The following UBAP1 variants were observed in gnomAD, a reference collection of about 807,000 sequenced individuals.
UBAP1 encodes ubiquitin associated protein 1.
In UBAP1, 5 loss-of-function variants were observed where a neutral mutation model predicts 39.0. That is an observed-to-expected ratio of 0.13 (90% CI 0.07 to 0.27). The LOEUF (loss-of-function observed/expected upper bound fraction) is 0.27, where lower values mean the gene tolerates loss of function less well. Ranked by LOEUF, UBAP1 falls within the 10% of genes least tolerant of loss-of-function variation. UBAP1 has a pLI of 1.00. For missense variants in UBAP1, 490 were observed against 608.1 expected (o/e 0.81, Z 2.04); for synonymous variants, 211 against 225.1 (o/e 0.94, Z 0.56).
At chr9:34,238,717 G>A (rs1833821713) in intron 3 of UBAP1, among the ~76,000 whole-genome samples, 1 of 152,076 alleles carries the variant, frequency 6.6e-6, no homozygotes, top group Non-Finnish European at 1.5e-5. Context: ...GTTTTTCCAT[G>A]TTTTATTTGT....
intron 3 of UBAP1, among the ~76,000 whole-genome samples, chr9:34,240,871 G>A (rs1833920159): frequency 1.4e-5 from 1 of 72,968 alleles, no homozygotes; most frequent in Admixed American, 1.5e-4. Context: ...CACCTTACAG[G>A]TATTTCTTAC....
intron 1 of UBAP1, among the ~76,000 whole-genome samples, chr9:34,183,757 T>C (rs1024633347): frequency 2.0e-5 from 3 of 151,574 alleles, no homozygotes; most frequent in African/African-American, 7.3e-5. Flanking sequence ...AGAATTTCTT[T>C]TTTTTTGTTT....
intron 3 of UBAP1, among the ~76,000 whole-genome samples, chr9:34,236,495 T>TA (rs1833707283): frequency 6.6e-6 from 1 of 152,200 alleles, no homozygotes; most frequent in Non-Finnish European, 1.5e-5. Context: ...CTCACATTGT[T>TA]ATACACACAT....
intron 6 of UBAP1, 84 bp downstream of exon 6, chr9:34,250,843 C>T: frequency 8.4e-7 from 1 of 1,191,238 alleles, no homozygotes; most frequent in Non-Finnish European, 1.2e-6. Flanking sequence ...GGCCCACACA[C>T]AACCTTTTTG....
At chr9:34,224,258 G>A (rs1032639460) in intron 2 of UBAP1, 15 of 476,536 alleles carry the variant, frequency 3.1e-5, no homozygotes, top group Non-Finnish European at 4.6e-5. Context: ...CAGGGGTAGC[G>A]CATAGTGGGA....
chr9:34,250,918 G>A lies in UBAP1; in HGVS notation c.1368+159G>A, dbSNP rs2297392. The A allele has an allele frequency of 2.1e-4, 139 of 677,666 alleles. No individual in the cohort carries two copies. In the East Asian group the frequency reaches 3.4e-3, roughly 17 times the overall value. The allele number at this position is 677,666 out of a possible 1,614,324, so 42.0% of individuals were successfully genotyped here. A position where few individuals can be genotyped will look rare whatever the true frequency, so the allele number is the denominator to read the frequency against. On this transcript the variant is annotated intron_variant, in intron 6 of 6. Coordinates refer to ENST00000297661, the MANE Select transcript of UBAP1 (RefSeq NM_016525.5). ...AATCTCCCAAGTATTCAGACAGGCC[G>A]AGGCCTGCGTTTGGCTTGGTGGTTG...
intron 1 of UBAP1, among the ~76,000 whole-genome samples, chr9:34,195,661 G>A (rs574150782): frequency 1.3e-5 from 2 of 151,120 alleles, no homozygotes; most frequent in South Asian, 4.2e-4. Flanking sequence ...GCAATGGCGC[G>A]ATCTCGGCTC....
intron 1 of UBAP1, among the ~76,000 whole-genome samples, chr9:34,184,874 G>A (rs1392551525): frequency 2.0e-5 from 3 of 150,848 alleles, no homozygotes; most frequent in South Asian, 2.1e-4. Context: ...CTCCCACCTC[G>A]GCCTCCCAAA....
chr9:34,210,914 T>A (rs1200998789), intron 1 of UBAP1, among the ~76,000 whole-genome samples: 2 of 152,090 alleles, frequency 1.3e-5, no homozygotes, highest in African/African-American at 4.8e-5. Flanking sequence ...TCAGGCAGTA[T>A]ATAAAAGTAT....
intron 4 of UBAP1, among the ~76,000 whole-genome samples, chr9:34,247,932 G>A (rs557428766): frequency 1.5e-4 from 23 of 152,196 alleles, no homozygotes; most frequent in African/African-American, 5.3e-4. Flanking sequence ...CTGGATCAAA[G>A]AATCTGAGCA....
At chr9:34,205,329 T>C (rs35522469) in intron 1 of UBAP1, among the ~76,000 whole-genome samples, 6,292 of 152,284 alleles carry the variant, frequency 0.041, 172 homozygotes, top group Middle Eastern at 0.075. Flanking sequence ...TGCTTTGAAG[T>C]CATGACTCCC....
intron 2 of UBAP1, among the ~76,000 whole-genome samples, chr9:34,225,779 TAAA>T (rs761018796): frequency 3.2e-5 from 4 of 124,452 alleles, no homozygotes; most frequent in African/African-American, 5.9e-5. Context: ...GACGCCATCT[TAAA>T]AAAAAAAAAA....
intron 1 of UBAP1, among the ~76,000 whole-genome samples, chr9:34,182,161 TTTA>T (rs1830075305): frequency 3.6e-5 from 1 of 27,586 alleles, no homozygotes; most frequent in Non-Finnish European, 1.2e-4. Flanking sequence ...ATCCCTGACG[TTTA>T]TTTATTTATT....
At chr9:34,184,660 G>C (rs1830286395) in intron 1 of UBAP1, among the ~76,000 whole-genome samples, 1 of 145,064 alleles carries the variant, frequency 6.9e-6, no homozygotes, top group Non-Finnish European at 1.5e-5. Context: ...GTCTCGCTCT[G>C]TTGCCAGGCT....
Position 34,181,116 on chromosome 9 carries a change from C to CTTTCTTTTTTTTTTTTTTTTTTTTTTTTT in UBAP1, c.-8+1879_-8+1880insCTTTTTTTTTTTTTTTTTTTTTTTTTTTT, listed in dbSNP as rs1193356334. On this transcript the variant is annotated intron_variant, in intron 1 of 6. Transcript: ENST00000297661. ...TGAGCCACCGCACCCGGCCTGTTTT[C>CTTTCTTTTTTTTTTTTTTTTTTTTTTTTT]TTTTTTTTTTTTTTTTTGAGACAGA... is the stretch of plus-strand genomic sequence containing the variant. 2.8e-4 allele frequency among the ~76,000 whole-genome samples: 20 copies of CTTTCTTTTTTTTTTTTTTTTTTTTTTTTT among 72,274 alleles called. 2 individuals are homozygous for CTTTCTTTTTTTTTTTTTTTTTTTTTTTTT. The highest frequency in any genetic ancestry group is 3.7e-4 in the African/African-American group (7 of 18,978). The allele number at this position is 72,274 out of a possible 152,430, so 47.4% of individuals were successfully genotyped here.
chr9:34,210,874 T>C (rs4319185), intron 1 of UBAP1, among the ~76,000 whole-genome samples: 114,574 of 151,474 alleles, frequency 0.76, 43,860 homozygotes, highest in East Asian at 0.95. Context: ...TTGAATAATT[T>C]GTCAACCTTT....
chr9:34,211,386 C>G (rs1179304301), intron 1 of UBAP1, among the ~76,000 whole-genome samples: 1 of 152,088 alleles, frequency 6.6e-6, no homozygotes, highest in Non-Finnish European at 1.5e-5. Context: ...TGTGATGATT[C>G]CCAAAGCCAT....
At chr9:34,224,615 C>A in intron 2 of UBAP1, 2 of 385,758 alleles carry the variant, frequency 5.2e-6, no homozygotes, top group Non-Finnish European at 4.8e-6. Flanking sequence ...TCAGTTCTCC[C>A]GAGAGATGCC....
chr9:34,185,403 G>A (rs993467504), intron 1 of UBAP1, among the ~76,000 whole-genome samples: 5 of 152,172 alleles, frequency 3.3e-5, no homozygotes, highest in African/African-American at 1.2e-4. Context: ...AGAAAAATTA[G>A]CTGGGATTGG....
Sources: allele counts gnomAD v4.1 joint callset (sites outside exome capture counted in the v4.1 genomes callset), GRCh38; gene constraint gnomAD v4.1.1; transcripts MANE v1.5; gene names NCBI Gene and HGNC (gene_info 2026-07-23, HGNC 2026-07-21).